Variants in MAP3K20 observed in about 807,000 individuals in gnomAD.
MAP3K20 encodes the protein HCCS-4.
Under a neutral mutation model 85.7 loss-of-function variants are expected in MAP3K20, and 40 were observed. The observed-to-expected ratio is 0.47, with a 90% CI of 0.36 to 0.61. MAP3K20 has a LOEUF of 0.61. Ranked by LOEUF, MAP3K20 falls within the 20% of genes least tolerant of loss-of-function variation. The pLI, the probability that MAP3K20 is intolerant of heterozygous loss-of-function variation, is 0.00. For synonymous variants in MAP3K20, 325 were observed against 327.7 expected, an observed-to-expected ratio of 0.99 and a Z score of 0.09; for missense variants, 817 against 961.7, an observed-to-expected ratio of 0.85 and a Z score of 1.99.
At chr2:173,092,499 T>C (rs939445771) in intron 2 of MAP3K20, among the ~76,000 whole-genome samples, 4 of 152,186 alleles carry the variant, frequency 2.6e-5, no homozygotes, top group Non-Finnish European at 4.4e-5. Flanking sequence ...CTTTGCGAAA[T>C]GTATTAAGCT....
chr2:173,168,615 A>C (rs1689907398), intron 2 of MAP3K20, among the ~76,000 whole-genome samples: 1 of 152,180 alleles, frequency 6.6e-6, no homozygotes, highest in South Asian at 2.1e-4. Context: ...TTAACTGCTG[A>C]CATTCTTCTT....
chr2:173,222,165 C>T (rs1684270106), intron 11 of MAP3K20: 1 of 961,174 alleles, frequency 1.0e-6, no homozygotes, highest in African/African-American at 1.8e-5. Flanking sequence ...ATGATGGCAC[C>T]ACTGCACTCT....
chr2:173,107,157 A>C (rs1390318611), intron 2 of MAP3K20, among the ~76,000 whole-genome samples: 1 of 152,214 alleles, frequency 6.6e-6, no homozygotes, highest in Non-Finnish European at 1.5e-5. Flanking sequence ...ATGCAATCTC[A>C]TGACAGAAGA....
rs999878685 is a variant in MAP3K20 at position 173,221,498 on chromosome 2, G to A, written c.987+4248G>A. The A allele has an allele frequency of 3.7e-6, 6 of 1,602,104 alleles. No homozygotes were observed. In the African/African-American group the frequency reaches 5.3e-5, roughly 14 times the overall value. On this transcript the variant is annotated intron_variant, in intron 11 of 19. Transcript: ENST00000375213. ...CGATGATGATGATGATGACGGTGAG[G>A]AGGAGGATAATGACATGGATAATAG...
At chr2:173,247,513 G>A (rs1211689646) in intron 16 of MAP3K20, among the ~76,000 whole-genome samples, 3 of 152,120 alleles carry the variant, frequency 2.0e-5, no homozygotes, top group Non-Finnish European at 2.9e-5. Flanking sequence ...ATTAAGTGAA[G>A]GGAAGTTTAT....
chr2:173,258,965 C>T, intron 17 of MAP3K20, 150 bp downstream of exon 17: 1 of 497,194 alleles, frequency 2.0e-6, no homozygotes, highest in Non-Finnish European at 3.6e-6. Flanking sequence ...TTTTATTTAG[C>T]AGACTGAGAT....
intron 10 of MAP3K20, chr2:173,210,596 T>C (rs528092668): frequency 1.3e-5 from 2 of 152,272 alleles, no homozygotes; most frequent in African/African-American, 4.8e-5. Flanking sequence ...AATTTAGTAA[T>C]GAGAAAATTG....
chr2:173,216,596 TACAACCAAGGAA>T (rs11268766), intron 10 of MAP3K20, among the ~76,000 whole-genome samples: 10,504 of 152,034 alleles, frequency 0.069, 1,065 homozygotes, highest in East Asian at 0.56. Flanking sequence ...CACCACCCCT[TACAACCAAGGAA>T]ACTGAGACAG....
chr2:173,254,044 C>G, intron 16 of MAP3K20, among the ~76,000 whole-genome samples: 1 of 147,576 alleles, frequency 6.8e-6, no homozygotes, highest in African/African-American at 2.5e-5. Context: ...GCCCTCCAGC[C>G]CGGGTGACAG....
chr2:173,175,227 G>A lies in MAP3K20; in HGVS notation c.247+5335G>A, dbSNP rs185637875. Among the ~76,000 whole-genome samples, 177 of 152,290 alleles carry A rather than the reference G, an allele frequency of 1.2e-3. 2 individuals are homozygous for A. Among genetic ancestry groups the A allele is most frequent in the African/African-American group, 4.1e-3 (169 of 41,572 alleles). ...TTGTTCAAATAAATTAATGGAGAGAGCATCTTAAAATATGAGGGATTTTAG... is the reference window on the plus strand; with the variant it reads ...TTGTTCAAATAAATTAATGGAGAGAACATCTTAAAATATGAGGGATTTTAG... On this transcript the variant is annotated intron_variant, in intron 3 of 19. Transcript: ENST00000375213.
At chr2:173,082,068 C>T (rs952300708) in intron 1 of MAP3K20, among the ~76,000 whole-genome samples, 1 of 151,982 alleles carries the variant, frequency 6.6e-6, no homozygotes, top group Admixed American at 6.6e-5. Flanking sequence ...GTGGCATAAT[C>T]ATAGCTTATG....
intron 2 of MAP3K20, among the ~76,000 whole-genome samples, chr2:173,150,329 CT>C (rs763230317): frequency 1.3e-5 from 2 of 152,202 alleles, no homozygotes; most frequent in Non-Finnish European, 2.9e-5. Context: ...GATTTAGATT[CT>C]TTTGCCAGTT....
At chr2:173,201,797 C>T (rs1691071757) in intron 8 of MAP3K20, among the ~76,000 whole-genome samples, 1 of 152,126 alleles carries the variant, frequency 6.6e-6, no homozygotes, top group African/African-American at 2.4e-5. Context: ...CTTTTTAACG[C>T]ACCAAAATAA....
At chr2:173,240,664 C>A (rs1230903294) in intron 16 of MAP3K20, among the ~76,000 whole-genome samples, 3 of 152,136 alleles carry the variant, frequency 2.0e-5, no homozygotes, top group Non-Finnish European at 4.4e-5. Flanking sequence ...TGGCTTATAT[C>A]CAAAAGACAG....
chr2:173,154,618 C>T (rs1689410629), intron 2 of MAP3K20, among the ~76,000 whole-genome samples: 1 of 152,102 alleles, frequency 6.6e-6, no homozygotes, highest in East Asian at 1.9e-4. Flanking sequence ...TTTTATTTTT[C>T]CCATAATAGT....
At chr2:173,078,030 G>T (rs1326848847) in intron 1 of MAP3K20, among the ~76,000 whole-genome samples, 2 of 152,232 alleles carry the variant, frequency 1.3e-5, no homozygotes, top group East Asian at 3.8e-4. Context: ...TGGGGGCGTG[G>T]AGTGAATAAT....
At chr2:173,131,726 T>C (rs1346011715) in intron 2 of MAP3K20, among the ~76,000 whole-genome samples, 1 of 152,134 alleles carries the variant, frequency 6.6e-6, no homozygotes, top group Non-Finnish European at 1.5e-5. Flanking sequence ...AGGAGGCAAG[T>C]TCTCTAAGGG....
chr2:173,186,776 G>A (rs993045388), intron 4 of MAP3K20, among the ~76,000 whole-genome samples: 10 of 151,814 alleles, frequency 6.6e-5, no homozygotes, highest in Non-Finnish European at 8.8e-5. Flanking sequence ...TAGACAATAC[G>A]TAAATACAGA....
At chr2:173,149,613 A>G (rs951897633) in intron 2 of MAP3K20, among the ~76,000 whole-genome samples, 1 of 152,074 alleles carries the variant, frequency 6.6e-6, no homozygotes, top group Non-Finnish European at 1.5e-5. Context: ...TCAATAGCAC[A>G]GGGGGGAGGT....
Sources: gnomAD v4.1 joint callset for allele counts (sites outside exome capture counted in the v4.1 genomes callset) on GRCh38, gnomAD v4.1.1 for gene constraint, MANE v1.5 for transcripts, NCBI Gene and HGNC (gene_info 2026-07-23, HGNC 2026-07-21) for gene names.